Variants in NCALD observed in about 807,000 individuals in gnomAD.
The protein encoded by NCALD is neurocalcin-delta.
In NCALD, 10 loss-of-function variants were observed where a neutral mutation model predicts 18.6. That is an observed-to-expected ratio of 0.54 (90% CI 0.33 to 0.91). NCALD has a LOEUF of 0.91. NCALD is among the 40% of genes least tolerant of loss of function. The pLI is 0.03. For missense variants in NCALD, 184 were observed against 247.6 expected (o/e 0.74, Z 1.72); for synonymous variants, 88 against 87.4 (o/e 1.01, Z -0.04).
chr8:101,691,618 T>C, intron 3 of NCALD: 1 of 985,416 alleles, frequency 1.0e-6, no homozygotes. Context: ...CCCGTGCTTG[T>C]TTAGTCACAA....
chr8:101,795,288 G>A (rs142273046), upstream of NCALD, among the ~76,000 whole-genome samples: 3 of 152,268 alleles, frequency 2.0e-5, no homozygotes, highest in Non-Finnish European at 2.9e-5. Context: ...CAGGGTCTCA[G>A]ATAAAAGGAA....
chr8:102,089,488 A>G (rs923371967), intron 1 of NCALD, among the ~76,000 whole-genome samples: 1 of 152,088 alleles, frequency 6.6e-6, no homozygotes, highest in African/African-American at 2.4e-5. Context: ...ATATTTCTAT[A>G]TGTTGTGTGT....
chr8:101,935,094 AAT>A (rs1161204567), intron 2 of NCALD, among the ~76,000 whole-genome samples: 1 of 152,182 alleles, frequency 6.6e-6, no homozygotes, highest in Non-Finnish European at 1.5e-5. Flanking sequence ...AAGAAGTGGG[AAT>A]AGTCAGAAAA....
At chr8:101,779,488 C>T (rs1811926899) in intron 1 of NCALD, among the ~76,000 whole-genome samples, 1 of 151,726 alleles carries the variant, frequency 6.6e-6, no homozygotes, top group Non-Finnish European at 1.5e-5. Context: ...CAATTATGGC[C>T]CAAATATAGC....
At chr8:102,031,570 C>T (rs1202744877) in intron 1 of NCALD, among the ~76,000 whole-genome samples, 1 of 152,036 alleles carries the variant, frequency 6.6e-6, no homozygotes, top group Non-Finnish European at 1.5e-5. Flanking sequence ...GAGGTTATAT[C>T]TGTGTTTTAT....
At chr8:101,762,746 G>A (rs1811167859) in intron 1 of NCALD, among the ~76,000 whole-genome samples, 2 of 151,934 alleles carry the variant, frequency 1.3e-5, no homozygotes, top group Admixed American at 6.6e-5. Flanking sequence ...GCTAATTTTT[G>A]TATTTTTAGT....
chr8:102,004,543 T>C (rs1407590759), intron 2 of NCALD, among the ~76,000 whole-genome samples: 1,771 of 152,180 alleles, frequency 0.012, 32 homozygotes, highest in African/African-American at 0.039. Flanking sequence ...AAAGTTCATA[T>C]GGAACCAAAA....
intron 1 of NCALD, among the ~76,000 whole-genome samples, chr8:102,108,884 A>C (rs1825558219): frequency 6.6e-6 from 1 of 152,232 alleles, no homozygotes; most frequent in Non-Finnish European, 1.5e-5. Flanking sequence ...CGACCAGAAA[A>C]ACAGACAGAA....
chr8:102,106,198 T>C (rs956701645), intron 1 of NCALD, among the ~76,000 whole-genome samples: 15 of 151,762 alleles, frequency 9.9e-5, no homozygotes, highest in Non-Finnish European at 1.2e-4. Flanking sequence ...GCCTCCCAAG[T>C]AGCTGGAATT....
chr8:102,094,552 T>C (rs1825028173), intron 1 of NCALD, among the ~76,000 whole-genome samples: 1 of 152,238 alleles, frequency 6.6e-6, no homozygotes, highest in Non-Finnish European at 1.5e-5. Flanking sequence ...ATCTTGAGTG[T>C]GTGGTTGAGA....
At chr8:101,964,332 C>T (rs534262790) in intron 2 of NCALD, among the ~76,000 whole-genome samples, 35 of 152,272 alleles carry the variant, frequency 2.3e-4, no homozygotes, top group South Asian at 6.2e-4. Flanking sequence ...GTTAAGGTAA[C>T]GCCAGTTTCT....
chr8:101,748,709 G>C (rs1810529745), intron 1 of NCALD, among the ~76,000 whole-genome samples: 1 of 152,224 alleles, frequency 6.6e-6, no homozygotes, highest in African/African-American at 2.4e-5. Context: ...GAGGCACAGA[G>C]AGGTTAAGTG....
chr8:102,057,245 T>C (rs770286019), intron 1 of NCALD, among the ~76,000 whole-genome samples: 15 of 136,726 alleles, frequency 1.1e-4, no homozygotes, highest in Non-Finnish European at 1.8e-4. Context: ...TCCCTTCTAC[T>C]TGGCTAGTTC....
intron 1 of NCALD, among the ~76,000 whole-genome samples, chr8:101,753,426 C>A (rs1334188197): frequency 1.3e-5 from 2 of 152,194 alleles, no homozygotes; most frequent in African/African-American, 4.8e-5. Flanking sequence ...TACCCACAAC[C>A]ATTTCTCTTC....
chr8:101,880,610 A>C (rs1816453569), intron 4 of NCALD, among the ~76,000 whole-genome samples: 1 of 152,252 alleles, frequency 6.6e-6, no homozygotes, highest in African/African-American at 2.4e-5. Context: ...ACTTGTGATG[A>C]ATTGGAAAGT....
chr8:101,709,392 G>A (rs1021446143), intron 2 of NCALD, among the ~76,000 whole-genome samples: 1 of 152,168 alleles, frequency 6.6e-6, no homozygotes, highest in African/African-American at 2.4e-5. Flanking sequence ...GGTACAGATG[G>A]TCTAATGTTG....
intron 1 of NCALD, among the ~76,000 whole-genome samples, chr8:101,727,724 T>G (rs1368862778): frequency 6.6e-6 from 1 of 152,226 alleles, no homozygotes; most frequent in Non-Finnish European, 1.5e-5. Flanking sequence ...CTCATGCACT[T>G]AGAATAAAGT....
intron 4 of NCALD, among the ~76,000 whole-genome samples, chr8:101,846,635 C>T (rs962592353): frequency 6.6e-6 from 1 of 152,124 alleles, no homozygotes; most frequent in Non-Finnish European, 1.5e-5. Flanking sequence ...CTGGTGATGT[C>T]GAGACAAGCA....
At chr8:101,888,745 C>G (rs1455883154) in intron 3 of NCALD, among the ~76,000 whole-genome samples, 1 of 152,130 alleles carries the variant, frequency 6.6e-6, no homozygotes, top group African/African-American at 2.4e-5. Context: ...TGGATTTGCT[C>G]TCTGAGAAAA....
Sources: gnomAD v4.1 joint callset for allele counts (sites outside exome capture counted in the v4.1 genomes callset) on GRCh38, gnomAD v4.1.1 for gene constraint, MANE v1.5 for transcripts, NCBI Gene and HGNC (gene_info 2026-07-23, HGNC 2026-07-21) for gene names.